Variants in S100Z observed in about 807,000 individuals in gnomAD.
S100Z encodes protein S100-Z.
Under a neutral mutation model 8.5 loss-of-function variants are expected in S100Z, and 11 were observed. That is an observed-to-expected ratio of 1.30 (90% CI 0.82 to 2.15). S100Z has a LOEUF of 2.15. Ranked by LOEUF, S100Z falls within the 30% of genes most tolerant of loss-of-function variation. S100Z has a pLI of 0.00. For synonymous variants in S100Z, 34 were observed against 43.8 expected, an observed-to-expected ratio of 0.78 and a Z score of 0.89; for missense variants, 126 against 117.9, an observed-to-expected ratio of 1.07 and a Z score of -0.32.
At chr5:76,871,545 CAG>C (rs1743011048) in intron 2 of S100Z, among the ~76,000 whole-genome samples, 1 of 122,932 alleles carries the variant, frequency 8.1e-6, no homozygotes, top group African/African-American at 3.2e-5. Context: ...TTTTTTTAGA[CAG>C]AGTGTCGCTT....
intron 1 of S100Z, among the ~76,000 whole-genome samples, chr5:76,853,629 C>T (rs1038848596): frequency 2.0e-5 from 3 of 151,876 alleles, no homozygotes; most frequent in Non-Finnish European, 4.4e-5. Flanking sequence ...AACCTTGTCT[C>T]TAGTAAAAAC....
At chr5:76,859,131 G>C (rs1750974941) in intron 1 of S100Z, among the ~76,000 whole-genome samples, 1 of 152,092 alleles carries the variant, frequency 6.6e-6, no homozygotes, top group African/African-American at 2.4e-5. Flanking sequence ...TAATAATGAT[G>C]ATGATAATCT....
intron 4 of S100Z, among the ~76,000 whole-genome samples, chr5:76,894,212 T>C (rs1453691025): frequency 1.3e-5 from 2 of 152,256 alleles, no homozygotes; most frequent in Non-Finnish European, 2.9e-5. Flanking sequence ...GACATTCTTC[T>C]CTGTTGATCC....
chr5:76,911,265 C>A (rs1744647182), intron 4 of S100Z, among the ~76,000 whole-genome samples: 1 of 152,102 alleles, frequency 6.6e-6, no homozygotes, highest in Non-Finnish European at 1.5e-5. Flanking sequence ...CCCTGCAACA[C>A]CCCAATTCTA....
the S100Z span, among the ~76,000 whole-genome samples, chr5:76,932,080 G>C: frequency 2.6e-5 from 4 of 152,008 alleles, no homozygotes; most frequent in African/African-American, 9.7e-5. Flanking sequence ...TATTTTCAAA[G>C]GTCACTTGTG....
the S100Z span, among the ~76,000 whole-genome samples, chr5:76,943,164 G>T: frequency 6.6e-6 from 1 of 152,096 alleles, no homozygotes; most frequent in Non-Finnish European, 1.5e-5. Flanking sequence ...GTCACCTCTA[G>T]GGCTTCTTTA....
chr5:76,884,809 G>A (rs1217957137), intron 4 of S100Z, among the ~76,000 whole-genome samples: 1 of 152,108 alleles, frequency 6.6e-6, no homozygotes, highest in Non-Finnish European at 1.5e-5. Context: ...GCCTGGCGAG[G>A]AGCAGCCTGG....
intron 4 of S100Z, among the ~76,000 whole-genome samples, chr5:76,909,527 T>C (rs1351124073): frequency 6.6e-6 from 1 of 152,172 alleles, no homozygotes; most frequent in Non-Finnish European, 1.5e-5. Context: ...GCAATTTACA[T>C]CCTACAGGAG....
intron 2 of S100Z, among the ~76,000 whole-genome samples, chr5:76,874,259 G>A (rs1743104511): frequency 7.2e-6 from 1 of 139,668 alleles, no homozygotes; most frequent in African/African-American, 2.6e-5. Flanking sequence ...TTACTCCCTT[G>A]TCCTTGCTAT....
At chr5:76,882,538 C>G (rs1424540882) in intron 4 of S100Z, among the ~76,000 whole-genome samples, 1 of 152,048 alleles carries the variant, frequency 6.6e-6, no homozygotes, top group Admixed American at 6.6e-5. Flanking sequence ...GTTAGGATGG[C>G]AAAACCAGTA....
the S100Z span, among the ~76,000 whole-genome samples, chr5:76,927,076 C>G: frequency 2.0e-5 from 3 of 152,128 alleles, no homozygotes; most frequent in African/African-American, 7.2e-5. Context: ...TTCCTTCTTA[C>G]GCTAATAGTA....
chr5:76,885,502 G>A (rs1348052284), intron 4 of S100Z, among the ~76,000 whole-genome samples: 1 of 117,510 alleles, frequency 8.5e-6, no homozygotes, highest in South Asian at 2.9e-4. Context: ...AAGTAGGAAC[G>A]GGTTGGGAGG....
chr5:76,872,264 G>A (rs371392568), intron 2 of S100Z, among the ~76,000 whole-genome samples: 3 of 151,818 alleles, frequency 2.0e-5, no homozygotes, highest in African/African-American at 7.3e-5. Flanking sequence ...AATAAATAAT[G>A]AACTAAATTG....
intron 1 of S100Z, among the ~76,000 whole-genome samples, chr5:76,854,457 T>C (rs1054100177): frequency 6.6e-6 from 1 of 152,160 alleles, no homozygotes; most frequent in South Asian, 2.1e-4. Flanking sequence ...ATCAAAGAAG[T>C]TGGAGGCATT....
chr5:76,906,493 T>C (rs1442244411), intron 4 of S100Z, among the ~76,000 whole-genome samples: 1 of 152,196 alleles, frequency 6.6e-6, no homozygotes, highest in Non-Finnish European at 1.5e-5. Flanking sequence ...CTAGTTCAAC[T>C]TTTTTATATT....
the S100Z span, among the ~76,000 whole-genome samples, chr5:76,952,296 C>T: frequency 6.6e-6 from 1 of 152,170 alleles, no homozygotes; most frequent in Admixed American, 6.5e-5. Context: ...CTCAGTGGTT[C>T]AGATGGATGC....
the S100Z span, among the ~76,000 whole-genome samples, chr5:76,943,247 TC>T: frequency 2.0e-5 from 3 of 152,248 alleles, no homozygotes; most frequent in East Asian, 5.8e-4. Flanking sequence ...CCAGGGCATC[TC>T]CCTGTATGTG....
chr5:76,879,363 C>T (rs1277880123), intron 4 of S100Z, among the ~76,000 whole-genome samples: 1 of 152,146 alleles, frequency 6.6e-6, no homozygotes, highest in Admixed American at 6.5e-5. Context: ...AAAAAAATGA[C>T]AGCTCTCTGG....
chr5:76,952,523 G>A, the S100Z span, among the ~76,000 whole-genome samples: 1 of 152,234 alleles, frequency 6.6e-6, no homozygotes, highest in South Asian at 2.1e-4. Flanking sequence ...TGCAAAATCA[G>A]ACTTCTGCTT....
Sources: allele counts gnomAD v4.1 joint callset (sites outside exome capture counted in the v4.1 genomes callset), GRCh38; gene constraint gnomAD v4.1.1; transcripts MANE v1.5; gene names NCBI Gene and HGNC (gene_info 2026-07-23, HGNC 2026-07-21).